The following PKD2L2 variants were observed in gnomAD, a reference collection of about 807,000 sequenced individuals.
The protein encoded by PKD2L2 is polycystin-2-like protein 2.
In PKD2L2, 67 loss-of-function variants were observed where a neutral mutation model predicts 83.9. That is an observed-to-expected ratio of 0.80 (90% CI 0.66 to 0.98). The LOEUF (loss-of-function observed/expected upper bound fraction) is 0.98, where lower values mean the gene tolerates loss of function less well. Among genes scored for constraint, PKD2L2 ranks in the 50% least tolerant of loss-of-function variants. PKD2L2 has a pLI of 0.00. For synonymous variants in PKD2L2, 223 were observed against 237.8 expected (o/e 0.94, Z 0.57); for missense variants, 632 against 717.2 (o/e 0.88, Z 1.36).
chr5:137,919,004 A>G (rs1758648601), intron 8 of PKD2L2, among the ~76,000 whole-genome samples: 1 of 151,650 alleles, frequency 6.6e-6, no homozygotes, highest in African/African-American at 2.4e-5. Flanking sequence ...AGGACCATCT[A>G]GTCACCTTTC....
chr5:137,934,424 T>C (rs1198852646), intron 12 of PKD2L2, among the ~76,000 whole-genome samples: 2 of 152,216 alleles, frequency 1.3e-5, no homozygotes, highest in Non-Finnish European at 2.9e-5. Flanking sequence ...CTTTAGCACA[T>C]TAAAAGTATT....
intron 11 of PKD2L2, among the ~76,000 whole-genome samples, 187 bp downstream of exon 11, chr5:137,925,291 C>CGT (rs1269852585): frequency 2.6e-5 from 4 of 152,118 alleles, no homozygotes; most frequent in Non-Finnish European, 4.4e-5. Context: ...GGATTACAGG[C>CGT]GTGAGCCACC....
chr5:137,924,154 T>C (rs1172783037), intron 10 of PKD2L2, among the ~76,000 whole-genome samples: 37 of 152,240 alleles, frequency 2.4e-4, no homozygotes, highest in Admixed American at 2.4e-3. Context: ...CTGACTATTC[T>C]AGCCTCTTCC....
chr5:137,899,468 C>A, intron 4 of PKD2L2, 48 bp from the exon 5 acceptor site: 2 of 1,219,050 alleles, frequency 1.6e-6, no homozygotes. Context: ...TAGAATACTT[C>A]TCAGTTGGGC....
chr5:137,904,922 A>G (rs1757245914), intron 5 of PKD2L2, among the ~76,000 whole-genome samples: 1 of 152,230 alleles, frequency 6.6e-6, no homozygotes, highest in East Asian at 1.9e-4. Flanking sequence ...AAAAATGAAT[A>G]AAACAAATAA....
intron 5 of PKD2L2, 57 bp from the exon 6 acceptor site, chr5:137,906,149 G>T: frequency 1.1e-6 from 1 of 950,972 alleles, no homozygotes. Flanking sequence ...TTCACATTAA[G>T]TACTGAAATA....
chr5:137,895,750 C>T (rs1012666252), intron 4 of PKD2L2, among the ~76,000 whole-genome samples: 1 of 149,220 alleles, frequency 6.7e-6, no homozygotes, highest in South Asian at 2.1e-4. Context: ...TGGTAGCAAG[C>T]ACCTGTAGTC....
chr5:137,898,889 C>G (rs1235625917), intron 4 of PKD2L2, among the ~76,000 whole-genome samples: 1 of 152,124 alleles, frequency 6.6e-6, no homozygotes, highest in Non-Finnish European at 1.5e-5. Flanking sequence ...CTGCCATGCC[C>G]AGCTAATTTT....
intron 8 of PKD2L2, among the ~76,000 whole-genome samples, chr5:137,909,479 C>G (rs1383107478): frequency 1.3e-5 from 2 of 150,634 alleles, no homozygotes; most frequent in Non-Finnish European, 3.0e-5. Flanking sequence ...ATAATTTTAC[C>G]TAAGATAATA....
Position 137,890,533 on chromosome 5 carries a change from A to T in PKD2L2, c.84A>T (p.Thr28=), listed in dbSNP as rs1036130294. ...GAAAGGAAGTAGAAATTACAACCAC[A>T]CTTCAGGAATTGTTACTCTACTTTA... ...HYRKEVEITT[T]LQELLLYFIF... Residue 28 remains threonine (T), a synonymous_variant, in exon 2 of 15, where the codon ACA becomes ACT. Coordinates refer to ENST00000508883, the MANE Select transcript of PKD2L2 (RefSeq NM_001300921.2). 6 of 1,585,780 alleles carry T rather than the reference A, an allele frequency of 3.8e-6. No individual in the cohort carries two copies. In the East Asian group the frequency reaches 1.4e-4, roughly 36 times the overall value.
intron 14 of PKD2L2, among the ~76,000 whole-genome samples, chr5:137,936,855 G>A (rs1489914599): frequency 6.6e-6 from 1 of 152,156 alleles, no homozygotes; most frequent in Non-Finnish European, 1.5e-5. Context: ...TATCCTTAGG[G>A]TCAGAATGAA....
At chr5:137,936,672 G>A (rs772789154) in intron 14 of PKD2L2, among the ~76,000 whole-genome samples, 6 of 152,216 alleles carry the variant, frequency 3.9e-5, no homozygotes, top group African/African-American at 9.6e-5. Context: ...AGCCAGGATC[G>A]TCTCGATCTC....
At chr5:137,922,792 C>A (rs900433078) in intron 9 of PKD2L2, among the ~76,000 whole-genome samples, 4 of 152,036 alleles carry the variant, frequency 2.6e-5, no homozygotes, top group African/African-American at 9.7e-5. Flanking sequence ...TCTAAATTTT[C>A]TTCCATTATG....
intron 12 of PKD2L2, among the ~76,000 whole-genome samples, chr5:137,926,821 C>A (rs1173188921): frequency 6.6e-6 from 1 of 152,074 alleles, no homozygotes; most frequent in South Asian, 2.1e-4. Flanking sequence ...TTAGTATTTG[C>A]GGGCTAAGGA....
intron 12 of PKD2L2, among the ~76,000 whole-genome samples, chr5:137,934,030 A>T (rs975510039): frequency 6.6e-6 from 1 of 152,206 alleles, no homozygotes; most frequent in Non-Finnish European, 1.5e-5. Context: ...AGTTGTCAGA[A>T]AAACAGAAAT....
In PKD2L2 at chr5:137,916,475, C is replaced by CTTTTT. The variant is rs1169529107; in HGVS notation, c.1329-5143_1329-5139dup. 7.9e-4 allele frequency among the ~76,000 whole-genome samples: 74 copies of CTTTTT among 93,190 alleles called. 1 individual carries two copies. Among genetic ancestry groups the CTTTTT allele is most frequent in the Admixed American group, 1.5e-3 (11 of 7,216 alleles). 61.1% of individuals were successfully genotyped at this position (93,190 alleles called of 152,430 possible). On this transcript the variant is annotated intron_variant, in intron 8 of 14. Transcript: ENST00000508883. ...AAGATTCTTAATTGCCACTTTTCTTCTTTTTTTTTTTTTTTTTTTTTTGAG... is the reference window on the plus strand; with the variant it reads ...AAGATTCTTAATTGCCACTTTTCTTCTTTTTTTTTTTTTTTTTTTTTTTTTTTGAG...
rs192877826 is a variant in PKD2L2, at chr5:137,921,607, A to G, written c.1329-29A>G. On this transcript the variant is annotated intron_variant, in intron 8 of 14. Coordinates refer to ENST00000508883, the MANE Select transcript of PKD2L2 (RefSeq NM_001300921.2). The stretch of plus-strand genomic sequence containing the variant: ...TTGTCATGTATGTACATAAAGGTAT[A>G]TATTTTCTACTGTTTTTCTTTCTTA... 54 of 1,431,948 alleles carry G rather than the reference A, an allele frequency of 3.8e-5. No homozygotes were observed. In the African/African-American group the frequency reaches 7.2e-4, roughly 19 times the overall value. The allele number at this position is 1,431,948 out of a possible 1,614,324, so 88.7% of individuals were successfully genotyped here.
chr5:137,893,550 C>T (rs2149999646), intron 3 of PKD2L2, among the ~76,000 whole-genome samples: 1 of 152,248 alleles, frequency 6.6e-6, no homozygotes, highest in African/African-American at 2.4e-5. Flanking sequence ...AAGCATGAAT[C>T]AGGGATGGGT....
chr5:137,942,319 C>A (rs113911658), intron 14 of PKD2L2, 65 bp from the exon 15 acceptor site: 8 of 407,170 alleles, frequency 2.0e-5, no homozygotes, highest in African/African-American at 1.2e-4. Flanking sequence ...GATCAACTCG[C>A]AACTAGTTCC....
Sources: gnomAD v4.1 joint callset for allele counts (sites outside exome capture counted in the v4.1 genomes callset) on GRCh38, gnomAD v4.1.1 for gene constraint, MANE v1.5 for transcripts, NCBI Gene and HGNC (gene_info 2026-07-23, HGNC 2026-07-21) for gene names.